Variants in KDM8 observed in about 807,000 individuals in gnomAD.
KDM8 encodes the protein bifunctional peptidase and arginyl-hydroxylase JMJD5.
Under a neutral mutation model 46.9 loss-of-function variants are expected in KDM8, and 35 were observed. The ratio of observed to expected loss-of-function variants is 0.75; its 90% CI spans 0.57 to 0.99. The LOEUF is 0.99. Ranked by LOEUF, KDM8 falls within the 50% of genes least tolerant of loss-of-function variation. The pLI, the probability that KDM8 is intolerant of heterozygous loss-of-function variation, is 0.00. For synonymous variants in KDM8, 232 were observed against 227.7 expected (o/e 1.02, Z -0.17); for missense variants, 475 against 537.0 (o/e 0.88, Z 1.14).
intron 5 of KDM8, among the ~76,000 whole-genome samples, chr16:27,218,352 A>G (rs938160259): frequency 3.3e-5 from 5 of 152,154 alleles, no homozygotes; most frequent in Non-Finnish European, 5.9e-5. Context: ...TGAACATCCA[A>G]GATCGCTTGA....
In KDM8 at chr16:27,213,627, G is replaced by GA. The variant is rs1180539078; in HGVS notation, c.547dup (p.Thr183AsnfsTer31). 7 of 1,613,960 alleles carry GA rather than the reference G, an allele frequency of 4.3e-6. No individual in the cohort carries two copies. The highest frequency in any genetic ancestry group is 1.6e-4 in the Middle Eastern group (1 of 6,084). ...TGGTTTGATTCCAGATGTGAAGTTA[G>GA]AAAAAACAGTCCCCCGGCTGCACCG... On this transcript the variant is annotated frameshift_variant, in exon 3 of 8. Coordinates refer to ENST00000286096, the MANE Select transcript of KDM8 (RefSeq NM_024773.3). LOFTEE classifies it high-confidence loss of function.
intron 2 of KDM8, chr16:27,213,218 CGTGTGT>C (rs3063593): frequency 0.034 from 4,794 of 139,530 alleles, 100 homozygotes; most frequent in African/African-American, 0.069. Flanking sequence ...AGATATTTTG[CGTGTGT>C]GTGTGTGTGT....
chr16:27,217,682 C>G (rs185391580), intron 5 of KDM8, among the ~76,000 whole-genome samples: 5 of 152,356 alleles, frequency 3.3e-5, no homozygotes, highest in Admixed American at 2.0e-4. Flanking sequence ...CTGGTACACA[C>G]TGGTTTCTGA....
chr16:27,208,795 A>C (rs1416458209), intron 1 of KDM8, among the ~76,000 whole-genome samples: 1 of 152,212 alleles, frequency 6.6e-6, no homozygotes, highest in Non-Finnish European at 1.5e-5. Context: ...CGCTCCAAGA[A>C]GGCTGTGAAT....
chr16:27,210,927 T>G (rs1355871121), intron 2 of KDM8, among the ~76,000 whole-genome samples: 1 of 152,174 alleles, frequency 6.6e-6, no homozygotes, highest in African/African-American at 2.4e-5. Context: ...CACACCCAGC[T>G]AATTTTTTTA....
intron 1 of KDM8, chr16:27,204,307 G>A: frequency 7.2e-7 from 1 of 1,381,812 alleles, no homozygotes; most frequent in Non-Finnish European, 9.3e-7. Context: ...AGGAGGACTC[G>A]GGAGCAAGCC....
rs34179621 is a variant in KDM8, at chr16:27,221,459, T to A, written c.*729T>A. On this transcript the variant is annotated 3_prime_UTR_variant, in exon 8 of 8. Transcript: ENST00000286096. ...GATAACCTACCTGCCTGCAGAGAAG[T>A]GCGAAGGTCTTGCTGGATGACTTTT... 30,205 of 154,404 alleles carry A rather than the reference T, an allele frequency of 0.2. 3,467 individuals are homozygous for A. The highest frequency in any genetic ancestry group is 0.42 in the East Asian group (2,178 of 5,164). 9.6% of individuals were successfully genotyped at this position (154,404 alleles called of 1,614,324 possible). A position where few individuals can be genotyped will look rare whatever the true frequency, so the allele number is the denominator to read the frequency against.
chr16:27,204,358 A>G, intron 1 of KDM8: 1 of 1,346,028 alleles, frequency 7.4e-7, no homozygotes, highest in South Asian at 1.8e-5. Context: ...CACACGGACG[A>G]CCCAAACACA....
At chr16:27,206,108 C>T (rs2083425963) in intron 1 of KDM8, 1 of 383,874 alleles carries the variant, frequency 2.6e-6, no homozygotes, top group Middle Eastern at 1.3e-3. Flanking sequence ...TCCCAATAAA[C>T]CCTTTTATGT....
At chr16:27,217,456 A>C (rs2083568144) in intron 5 of KDM8, among the ~76,000 whole-genome samples, 1 of 152,116 alleles carries the variant, frequency 6.6e-6, no homozygotes, top group Non-Finnish European at 1.5e-5. Context: ...CTCAGATTCC[A>C]CAGGGCCAGT....
chr16:27,214,730 T>C (rs2083527943), intron 3 of KDM8, 146 bp from the exon 4 acceptor site: 1 of 830,114 alleles, frequency 1.2e-6, no homozygotes, highest in Non-Finnish European at 1.9e-6. Flanking sequence ...CCATGCCGGT[T>C]CCTCATCAGT....
At position 27,205,702 on chromosome 16, in the gene KDM8, G is replaced by C. The variant is rs1454401939; in HGVS notation, c.-32+2066G>C. The stretch of plus-strand genomic sequence containing the variant: ...AAAATAGAAAAACTAGCCAGGCACA[G>C]TGGCGGGCACCTGTAATCCCAGCTA... On this transcript the variant is annotated intron_variant, in intron 1 of 7. Transcript: ENST00000286096. 2.0e-5 allele frequency among the ~76,000 whole-genome samples: 3 copies of C among 152,218 alleles called. 1 individual carries two copies. The highest frequency in any genetic ancestry group is 4.4e-5 in the Non-Finnish European group (3 of 68,046).
chr16:27,219,196 G>A lies in KDM8; in HGVS notation c.993+86G>A, dbSNP rs1363148543. On this transcript the variant is annotated intron_variant, in intron 6 of 7. Coordinates refer to ENST00000286096, the MANE Select transcript of KDM8 (RefSeq NM_024773.3). ...CCACATTCTCTGCCTTTAAACACCG[G>A]GCTCTTAAAAAGAAACAAGAAGCAC... The A allele has an allele frequency of 1.7e-5, 23 of 1,370,464 alleles. No individual in the cohort carries two copies. The East Asian group carries it at 5.6e-4, about 33-fold the overall frequency. 84.9% of individuals were successfully genotyped at this position (1,370,464 alleles called of 1,614,324 possible). A position where few individuals can be genotyped will look rare whatever the true frequency, so the allele number is the denominator to read the frequency against.
Position 27,213,761 on chromosome 16 carries a change from C to T in KDM8, c.665+10C>T, listed in dbSNP as rs776269300. The stretch of plus-strand genomic sequence containing the variant: ...GCATGCAGAAGTGGAGGTGGGTGGT[C>T]GCTGAGGGAGGTGAGGTCCCTTTTC... On this transcript the variant is annotated intron_variant, in intron 3 of 7. Transcript: ENST00000286096. The T allele has an allele frequency of 6.2e-6, 10 of 1,612,754 alleles. No individual in the cohort carries two copies. Among genetic ancestry groups the T allele is most frequent in the South Asian group, 2.2e-5 (2 of 90,940 alleles).
chr16:27,221,296 G>A lies in KDM8; in HGVS notation c.*566G>A. 1 of 226,304 alleles carries A rather than the reference G, an allele frequency of 4.4e-6. No individual in the cohort carries two copies. Among genetic ancestry groups the A allele is most frequent in the Non-Finnish European group, 8.9e-6 (1 of 112,566 alleles). The allele number at this position is 226,304 out of a possible 1,614,324, so 14.0% of individuals were successfully genotyped here. ...CCTTTTGCCCTTCCTTCCCATAACG[G>A]CCTGCTGGACGCCACAGCCTGAATA... On this transcript the variant is annotated 3_prime_UTR_variant, in exon 8 of 8. Transcript: ENST00000286096.
intron 4 of KDM8, among the ~76,000 whole-genome samples, chr16:27,215,541 A>G (rs8060160): frequency 0.16 from 24,919 of 152,184 alleles, 2,820 homozygotes; most frequent in East Asian, 0.43. Context: ...AGATCAGGCC[A>G]CTGCATTCCA....
chr16:27,214,797 G>A (rs1161177375), intron 3 of KDM8, 79 bp from the exon 4 acceptor site: 3 of 1,520,538 alleles, frequency 2.0e-6, no homozygotes, highest in Non-Finnish European at 1.8e-6. Flanking sequence ...GGATGAAAGG[G>A]GACCACATGC....
In KDM8 at chr16:27,214,890, A is replaced by T; in HGVS notation, c.680A>T (p.Gln227Leu). Reference sequence around the variant, plus strand: ...CTTTCTGCTAGTTTGGAGTATATCCAGGAGATCGCTGGCTGCCGAACTGTC... The same window carrying T: ...CTTTCTGCTAGTTTGGAGTATATCCTGGAGATCGCTGGCTGCCGAACTGTC... ...CMQKWSLEYIQEIAGCRTVPV... is the reference protein window; with the variant it reads ...CMQKWSLEYILEIAGCRTVPV... The change falls in exon 4 of 8, where the codon CAG becomes CTG. Residue 227 changes from glutamine to leucine, a missense_variant. Coordinates refer to ENST00000286096, the MANE Select transcript of KDM8 (RefSeq NM_024773.3). 2 of 1,614,224 alleles carry T rather than the reference A, an allele frequency of 1.2e-6. No individual in the cohort carries two copies. The highest frequency in any genetic ancestry group is 1.7e-6 in the Non-Finnish European group (2 of 1,180,032).
intron 2 of KDM8, among the ~76,000 whole-genome samples, chr16:27,212,116 G>C (rs951259913): frequency 3.9e-5 from 6 of 152,080 alleles, no homozygotes; most frequent in African/African-American, 1.4e-4. Context: ...CAAATCAATA[G>C]GGAAAAAATC....
Sources: gnomAD v4.1 joint callset for allele counts (sites outside exome capture counted in the v4.1 genomes callset) on GRCh38, gnomAD v4.1.1 for gene constraint, MANE v1.5 for transcripts, NCBI Gene and HGNC (gene_info 2026-07-23, HGNC 2026-07-21) for gene names.